Variants in LRBA observed in about 807,000 individuals in gnomAD.
LRBA encodes the protein lipopolysaccharide-responsive and beige-like anchor protein.
A neutral mutation model predicts 330.0 loss-of-function variants in LRBA; 176 were observed. That is an observed-to-expected ratio of 0.53 (90% CI 0.47 to 0.60). The LOEUF (loss-of-function observed/expected upper bound fraction) is 0.60. Ranked by LOEUF, LRBA falls within the 20% of genes least tolerant of loss-of-function variation. The probability of loss-of-function intolerance (pLI) is 0.00; values close to 1 mark genes in which losing one functional copy is unlikely to be tolerated. For missense variants in LRBA, 3,259 were observed against 3,444.8 expected (o/e 0.95, Z 1.35); for synonymous variants, 1,230 against 1,193.0 (o/e 1.03, Z -0.64).
In LRBA at chr4:151,005,106, A is replaced by C. The variant is rs180786911; in HGVS notation, c.216+9321T>G. On this transcript the variant is annotated intron_variant, in intron 2 of 56. Transcript: ENST00000651943. ...ACAAACTAATCTACACAGGATTCCC[A>C]CAAATAAAATCCCACAAAAATTTAG... Among the ~76,000 whole-genome samples, 13 of 152,268 alleles carry C rather than the reference A, an allele frequency of 8.5e-5. No homozygotes were observed. The East Asian group carries it at 2.5e-3, about 29-fold the overall frequency.
intron 2 of LRBA, among the ~76,000 whole-genome samples, chr4:150,972,286 A>G (rs1739666207): frequency 6.6e-6 from 1 of 152,180 alleles, no homozygotes; most frequent in African/African-American, 2.4e-5. Flanking sequence ...AAATAGCTTC[A>G]ACAAATATAA....
intron 37 of LRBA, among the ~76,000 whole-genome samples, chr4:150,646,433 A>G (rs1779145088): frequency 6.6e-6 from 1 of 152,078 alleles, no homozygotes; most frequent in South Asian, 2.1e-4. Flanking sequence ...GGAATTCAGG[A>G]GAGGTTATCT....
intron 37 of LRBA, among the ~76,000 whole-genome samples, chr4:150,645,635 G>A (rs1009642140): frequency 6.6e-6 from 1 of 151,732 alleles, no homozygotes; most frequent in Non-Finnish European, 1.5e-5. Context: ...ATAATGTAAC[G>A]GTATGCTAAA....
At chr4:150,724,049 A>T (rs1420152433) in intron 36 of LRBA, among the ~76,000 whole-genome samples, 1 of 152,236 alleles carries the variant, frequency 6.6e-6, no homozygotes, top group Non-Finnish European at 1.5e-5. Flanking sequence ...AGAATAGAAT[A>T]TCAGGAAAAT....
At chr4:150,568,941 T>C (rs1221305667) in intron 40 of LRBA, among the ~76,000 whole-genome samples, 5 of 152,206 alleles carry the variant, frequency 3.3e-5, no homozygotes. Flanking sequence ...TATAACTAAC[T>C]TTTACCAGGC....
intron 42 of LRBA, among the ~76,000 whole-genome samples, chr4:150,478,446 AC>A (rs1193121808): frequency 6.6e-6 from 1 of 152,178 alleles, no homozygotes; most frequent in Non-Finnish European, 1.5e-5. Context: ...TTGAGTATTG[AC>A]TAAAGATATT....
chr4:150,566,819 G>C (rs1213536537), intron 40 of LRBA, among the ~76,000 whole-genome samples: 1 of 152,002 alleles, frequency 6.6e-6, no homozygotes, highest in Non-Finnish European at 1.5e-5. Context: ...GAAATAGAAT[G>C]CCATCATCTT....
Position 150,577,413 on chromosome 4 carries a change from A to T in LRBA, c.6330+10635T>A, listed in dbSNP as rs1394374901. On this transcript the variant is annotated intron_variant, in intron 40 of 56. Transcript: ENST00000651943. The stretch of plus-strand genomic sequence containing the variant: ...TGACCAAAAATAAAAATCAATGTTC[A>T]TTTTTTTAAAAAAAAAAAGCATTTT... Among the ~76,000 whole-genome samples the T allele has an allele frequency of 2.5e-5, 3 of 119,096 alleles. No homozygotes were observed. In the East Asian group the frequency reaches 7.3e-4, roughly 29 times the overall value. The allele number at this position is 119,096 out of a possible 152,430, so 78.1% of individuals were successfully genotyped here.
At chr4:150,341,039 A>G (rs1476325951) in intron 48 of LRBA, among the ~76,000 whole-genome samples, 1 of 152,224 alleles carries the variant, frequency 6.6e-6, no homozygotes, top group African/African-American at 2.4e-5. Flanking sequence ...GACTGTAGGT[A>G]GGCAGGGACA....
chr4:150,651,216 A>G (rs556810230), intron 37 of LRBA, among the ~76,000 whole-genome samples: 2 of 152,242 alleles, frequency 1.3e-5, no homozygotes, highest in East Asian at 3.9e-4. Flanking sequence ...GTAACTAAAT[A>G]TTTTACTAGA....
chr4:150,924,842 A>C (rs934588972), intron 4 of LRBA, among the ~76,000 whole-genome samples: 2 of 152,152 alleles, frequency 1.3e-5, no homozygotes, highest in Non-Finnish European at 2.9e-5. Context: ...CCCATAGGCA[A>C]CTATATTAAC....
chr4:150,435,805 G>T, intron 45 of LRBA, 97 bp from the exon 46 acceptor site: 16 of 754,410 alleles, frequency 2.1e-5, no homozygotes, highest in Non-Finnish European at 3.2e-5. Flanking sequence ...TGACTAATAG[G>T]CATTCACTAG....
intron 2 of LRBA, among the ~76,000 whole-genome samples, chr4:150,974,425 G>A (rs1297289569): frequency 6.6e-6 from 1 of 152,180 alleles, no homozygotes; most frequent in Admixed American, 6.5e-5. Context: ...AACAACTACC[G>A]AGATTGTTGT....
At chr4:150,928,380 A>G (rs2149508050) in intron 4 of LRBA, 136 bp downstream of exon 4, 3 of 596,570 alleles carry the variant, frequency 5.0e-6, no homozygotes, top group Non-Finnish European at 8.9e-6. Context: ...AGCCACAGGG[A>G]TCTCAATGCT....
intron 46 of LRBA, among the ~76,000 whole-genome samples, chr4:150,433,658 G>C (rs979798747): frequency 2.0e-5 from 3 of 151,842 alleles, no homozygotes; most frequent in Non-Finnish European, 4.4e-5. Flanking sequence ...AAAATGTCAG[G>C]CTTATCAATA....
intron 37 of LRBA, among the ~76,000 whole-genome samples, chr4:150,662,601 G>C (rs1781219054): frequency 6.6e-6 from 1 of 152,218 alleles, no homozygotes; most frequent in Admixed American, 6.5e-5. Flanking sequence ...TTTGAAAGAA[G>C]TAGGCAAAAA....
chr4:150,763,410 A>C (rs2126482059), intron 34 of LRBA, among the ~76,000 whole-genome samples: 1 of 152,126 alleles, frequency 6.6e-6, no homozygotes, highest in East Asian at 1.9e-4. Context: ...TATACTCTCT[A>C]AAATTCATAC....
chr4:150,975,211 T>C (rs1740012432), intron 2 of LRBA, among the ~76,000 whole-genome samples: 1 of 152,186 alleles, frequency 6.6e-6, no homozygotes, highest in African/African-American at 2.4e-5. Flanking sequence ...ATTAATATTA[T>C]AACTATGCTT....
intron 35 of LRBA, among the ~76,000 whole-genome samples, chr4:150,749,950 C>T (rs1271527601): frequency 6.6e-6 from 1 of 152,130 alleles, no homozygotes; most frequent in Non-Finnish European, 1.5e-5. Flanking sequence ...GATTTTGTTC[C>T]AGCCACTCTG....
Sources: gnomAD v4.1 joint callset for allele counts (sites outside exome capture counted in the v4.1 genomes callset) on GRCh38, gnomAD v4.1.1 for gene constraint, MANE v1.5 for transcripts, NCBI Gene and HGNC (gene_info 2026-07-23, HGNC 2026-07-21) for gene names.